The following ZFYVE9 variants were observed in gnomAD, a reference collection of about 807,000 sequenced individuals.
ZFYVE9 encodes the protein zinc finger FYVE-type containing 9, also known as zinc finger FYVE domain-containing protein 9.
ZFYVE9 carries 43 observed loss-of-function variants against 126.7 expected under a neutral mutation model. The observed-to-expected ratio is 0.34, with a 90% CI of 0.27 to 0.44. The LOEUF (loss-of-function observed/expected upper bound fraction) is 0.44. ZFYVE9 is among the 20% of genes least tolerant of loss of function. ZFYVE9 has a pLI of 1.00. For synonymous variants in ZFYVE9, 521 were observed against 597.4 expected, an observed-to-expected ratio of 0.87 and a Z score of 1.87; for missense variants, 1,476 against 1,697.0, an observed-to-expected ratio of 0.87 and a Z score of 2.29.
intron 12 of ZFYVE9, among the ~76,000 whole-genome samples, chr1:52,301,533 G>A (rs1026207028): frequency 6.6e-6 from 1 of 151,730 alleles, no homozygotes; most frequent in Admixed American, 6.6e-5. Flanking sequence ...CCAACTCCTG[G>A]GCTCAAGCTA....
At chr1:52,170,164 T>TAA (rs1437726466) in intron 1 of ZFYVE9, among the ~76,000 whole-genome samples, 1 of 152,224 alleles carries the variant, frequency 6.6e-6, no homozygotes, top group African/African-American at 2.4e-5. Flanking sequence ...TTCTATAACA[T>TAA]TAATTTATGA....
At chr1:52,271,403 C>T (rs1645691093) in intron 7 of ZFYVE9, among the ~76,000 whole-genome samples, 1 of 152,036 alleles carries the variant, frequency 6.6e-6, no homozygotes, top group Non-Finnish European at 1.5e-5. Context: ...AACAAGTGCC[C>T]AGTAAATGAA....
intron 14 of ZFYVE9, among the ~76,000 whole-genome samples, chr1:52,333,664 C>A (rs1646363654): frequency 6.6e-6 from 1 of 151,992 alleles, no homozygotes; most frequent in Non-Finnish European, 1.5e-5. Context: ...ATCTAAGAAA[C>A]CCCGTGTTAG....
chr1:52,268,171 C>T (rs954167147), intron 6 of ZFYVE9, among the ~76,000 whole-genome samples: 1 of 152,078 alleles, frequency 6.6e-6, no homozygotes, highest in Non-Finnish European at 1.5e-5. Flanking sequence ...GTCAGTGATA[C>T]GGGACAGAGT....
chr1:52,247,165 C>G (rs1645394788), intron 4 of ZFYVE9, among the ~76,000 whole-genome samples: 1 of 152,092 alleles, frequency 6.6e-6, no homozygotes, highest in Non-Finnish European at 1.5e-5. Flanking sequence ...TGGTTGGGCT[C>G]CTTGGGAAGC....
intron 4 of ZFYVE9, among the ~76,000 whole-genome samples, chr1:52,247,433 A>G (rs907308400): frequency 3.9e-5 from 6 of 152,194 alleles, no homozygotes; most frequent in African/African-American, 9.6e-5. Flanking sequence ...GTTTGAGGGT[A>G]TATGGTTCAG....
intron 10 of ZFYVE9, among the ~76,000 whole-genome samples, chr1:52,289,228 ATCTGCTT>A (rs1645894437): frequency 6.6e-6 from 1 of 152,128 alleles, no homozygotes; most frequent in Non-Finnish European, 1.5e-5. Flanking sequence ...AGATTGAAAG[ATCTGCTT>A]TCTGCTTTCT....
chr1:52,332,817 C>T lies in ZFYVE9; in HGVS notation c.3488C>T (p.Ala1163Val). ...AATGAGCATGTCCTGGCAGGAGGTG[C>T]CTGCTTCAATGAAAAGGCAGACTCT... ...KSNEHVLAGGACFNEKADSHL... is the reference protein window; with the variant it reads ...KSNEHVLAGGVCFNEKADSHL... The change falls in exon 14 of 19, where the codon GCC becomes GTC. Residue 1163 changes from alanine (A) to valine (V), a missense_variant. Around this residue, in one of 2 missense-constraint regions of ZFYVE9, gnomAD observed 669 missense variants for 902.4 expected, o/e 0.74. Coordinates refer to ENST00000287727, the MANE Select transcript of ZFYVE9 (RefSeq NM_004799.4). 2 of 1,614,060 alleles carry T rather than the reference C, an allele frequency of 1.2e-6. No individual in the cohort carries two copies. The highest frequency in any genetic ancestry group is 1.7e-6 in the Non-Finnish European group (2 of 1,180,012).
intron 4 of ZFYVE9, among the ~76,000 whole-genome samples, chr1:52,244,542 G>A (rs1645365532): frequency 6.6e-6 from 1 of 152,156 alleles, no homozygotes; most frequent in African/African-American, 2.4e-5. Flanking sequence ...GTGAAATAGG[G>A]ATAGATGATG....
At chr1:52,198,455 C>T (rs1170376549) in intron 1 of ZFYVE9, among the ~76,000 whole-genome samples, 2 of 152,054 alleles carry the variant, frequency 1.3e-5, no homozygotes, top group Non-Finnish European at 2.9e-5. Flanking sequence ...AACTGTTGTC[C>T]TGAGCTTTGA....
At chr1:52,335,388 T>A (rs1256945559) in intron 15 of ZFYVE9, among the ~76,000 whole-genome samples, 1 of 152,172 alleles carries the variant, frequency 6.6e-6, no homozygotes, top group Non-Finnish European at 1.5e-5. Flanking sequence ...TTAGTTGGGA[T>A]CACTTGAAGT....
chr1:52,276,497 T>C (rs1443682772), intron 8 of ZFYVE9, among the ~76,000 whole-genome samples: 1 of 152,212 alleles, frequency 6.6e-6, no homozygotes, highest in African/African-American at 2.4e-5. Context: ...GTCTGTTTTA[T>C]TTAAAACAAT....
At chr1:52,181,710 A>T (rs1182343593) in intron 1 of ZFYVE9, among the ~76,000 whole-genome samples, 5 of 143,392 alleles carry the variant, frequency 3.5e-5, no homozygotes, top group Non-Finnish European at 6.0e-5. Flanking sequence ...ATCGTCTGAG[A>T]TGTGGGGAGC....
At chr1:52,206,437 T>C (rs2124578753) in intron 1 of ZFYVE9, among the ~76,000 whole-genome samples, 1 of 152,372 alleles carries the variant, frequency 6.6e-6, no homozygotes, top group Non-Finnish European at 1.5e-5. Flanking sequence ...GCTAATATGG[T>C]ATTAATTAAT....
intron 13 of ZFYVE9, among the ~76,000 whole-genome samples, chr1:52,307,360 T>G (rs1646095125): frequency 6.6e-6 from 1 of 152,072 alleles, no homozygotes; most frequent in African/African-American, 2.4e-5. Context: ...CTGAGCCTCC[T>G]GAGTAGCTGG....
chr1:52,343,406 A>G lies in ZFYVE9; in HGVS notation c.3940-1362A>G, dbSNP rs575239964. ...GGCTGCAGTGAGCCGAGATCGTGCC[A>G]TTGCACTCCAGCCTGGGCAATAGAG... On this transcript the variant is annotated intron_variant, in intron 17 of 18. Transcript: ENST00000287727. Among the ~76,000 whole-genome samples, 10 of 151,980 alleles carry G rather than the reference A, an allele frequency of 6.6e-5. No homozygotes were observed. In the East Asian group the frequency reaches 1.8e-3, roughly 27 times the overall value.
chr1:52,290,664 T>G (rs541948209), intron 10 of ZFYVE9, among the ~76,000 whole-genome samples: 2 of 152,290 alleles, frequency 1.3e-5, no homozygotes, highest in East Asian at 3.9e-4. Context: ...CTAAAGTTCC[T>G]GACACTCTAT....
chr1:52,293,763 C>T (rs552177833), intron 11 of ZFYVE9, 86 bp downstream of exon 11: 2 of 1,303,364 alleles, frequency 1.5e-6, no homozygotes, highest in African/African-American at 3.0e-5. Flanking sequence ...TGATATAATT[C>T]AGCAGAAATA....
intron 1 of ZFYVE9, among the ~76,000 whole-genome samples, chr1:52,192,943 G>T (rs569627406): frequency 6.6e-6 from 1 of 152,236 alleles, no homozygotes; most frequent in Non-Finnish European, 1.5e-5. Flanking sequence ...CTAAACTGTA[G>T]GCAGAACAAT....
Sources: gnomAD v4.1 joint callset for allele counts (sites outside exome capture counted in the v4.1 genomes callset) on GRCh38, gnomAD v4.1.1 for gene constraint, gnomAD v4.1.1 regional missense constraint, MANE v1.5 for transcripts, NCBI Gene and HGNC (gene_info 2026-07-23, HGNC 2026-07-21) for gene names.